The following NAALADL2 variants were observed in gnomAD, a reference collection of about 807,000 sequenced individuals.
NAALADL2 encodes the protein N-acetylated alpha-linked acidic dipeptidase like 2.
In NAALADL2, 76 loss-of-function variants were observed where a neutral mutation model predicts 87.2. The ratio of observed to expected loss-of-function variants is 0.87; its 90% CI spans 0.72 to 1.05. The LOEUF (loss-of-function observed/expected upper bound fraction) is 1.05, where lower values mean the gene tolerates loss of function less well. Among genes scored for constraint, NAALADL2 ranks in the 50% least tolerant of loss-of-function variants. NAALADL2 has a pLI of 0.00. For synonymous variants in NAALADL2, 354 were observed against 331.0 expected, an observed-to-expected ratio of 1.07 and a Z score of -0.75; for missense variants, 1,089 against 945.8, an observed-to-expected ratio of 1.15 and a Z score of -1.99.
chr3:174,612,932 T>C lies in NAALADL2; in HGVS notation c.-115+62295T>C, dbSNP rs113015707. 8.5e-3 allele frequency among the ~76,000 whole-genome samples: 1,289 copies of C among 152,280 alleles called. 13 individuals are homozygous for C. The highest frequency in any genetic ancestry group is 0.03 in the African/African-American group (1,244 of 41,556). ...GTCTGAGCTTGTTTGTTCCCATCCT[T>C]CTTGGGAGAGCTTTCCATACAGTTG... On this transcript the variant is annotated intron_variant, in intron 2 of 3. Transcript: ENST00000434257.
chr3:175,761,721 T>G, intron 13 of NAALADL2, among the ~76,000 whole-genome samples: 1 of 152,204 alleles, frequency 6.6e-6, no homozygotes, highest in East Asian at 1.9e-4. Context: ...ATTTCATTGT[T>G]GTTTGAATCC....
At chr3:175,326,093 A>G (rs1355932830) in intron 5 of NAALADL2, among the ~76,000 whole-genome samples, 1 of 152,220 alleles carries the variant, frequency 6.6e-6, no homozygotes, top group African/African-American at 2.4e-5. Context: ...CACCTTGAAC[A>G]CTTTGCTGCT....
chr3:174,676,412 T>C (rs1269278137), intron 2 of NAALADL2, among the ~76,000 whole-genome samples: 24 of 106,030 alleles, frequency 2.3e-4, no homozygotes, highest in Non-Finnish European at 2.7e-5. Flanking sequence ...ATGTGAGCTT[T>C]ATATTATTAG....
At chr3:175,256,335 T>C (rs1749934405) in intron 3 of NAALADL2, 76 bp from the exon 4 acceptor site, 1 of 1,334,654 alleles carries the variant, frequency 7.5e-7, no homozygotes, top group Admixed American at 2.6e-5. Context: ...TGAATAATTT[T>C]GTTATACTAA....
intron 11 of NAALADL2, among the ~76,000 whole-genome samples, chr3:175,656,095 A>G (rs1247175691): frequency 6.6e-6 from 1 of 152,212 alleles, no homozygotes; most frequent in Non-Finnish European, 1.5e-5. Context: ...TGCAACTTCC[A>G]AAATGCCAAA....
chr3:174,942,712 T>C (rs545383685), intron 1 of NAALADL2, among the ~76,000 whole-genome samples: 1 of 152,332 alleles, frequency 6.6e-6, no homozygotes, highest in South Asian at 2.1e-4. Context: ...CCCATATTTC[T>C]TGGAGGTTTT....
intron 11 of NAALADL2, among the ~76,000 whole-genome samples, chr3:175,706,243 C>T (rs6443315): frequency 0.44 from 66,260 of 151,898 alleles, 17,653 homozygotes; most frequent in African/African-American, 0.76. Flanking sequence ...CATACATTAG[C>T]CCCTCCTTAT....
chr3:175,788,781 CAAAT>C (rs1752423187), intron 13 of NAALADL2, among the ~76,000 whole-genome samples: 1 of 148,038 alleles, frequency 6.8e-6, no homozygotes, highest in African/African-American at 2.7e-5. Flanking sequence ...AAATCTTACT[CAAAT>C]AATTATATGA....
chr3:175,679,961 C>T (rs1015884214), intron 11 of NAALADL2, among the ~76,000 whole-genome samples: 2 of 152,126 alleles, frequency 1.3e-5, no homozygotes, highest in South Asian at 2.1e-4. Flanking sequence ...AAAAAGGATG[C>T]CGTCACATAT....
intron 1 of NAALADL2, among the ~76,000 whole-genome samples, chr3:175,077,723 T>A (rs1278172359): frequency 6.6e-6 from 1 of 152,106 alleles, no homozygotes; most frequent in South Asian, 2.1e-4. Context: ...TTTAAAAAAA[T>A]TGCTTGTGGT....
intron 2 of NAALADL2, among the ~76,000 whole-genome samples, chr3:174,658,289 C>A (rs919399763): frequency 6.6e-6 from 1 of 152,026 alleles, no homozygotes; most frequent in Non-Finnish European, 1.5e-5. Context: ...TTGGTGATGC[C>A]AGTGTTACGC....
rs550530582 is a variant in NAALADL2, at chr3:174,538,344, A to C, written c.-183-12225A>C. ...AAGTGGAGGTTGGACCTGCCTCATTATATTATCCAGGTTTTGGAATTTAGG... is the reference window on the plus strand; with the variant it reads ...AAGTGGAGGTTGGACCTGCCTCATTCTATTATCCAGGTTTTGGAATTTAGG... On this transcript the variant is annotated intron_variant, in intron 1 of 3. Coordinates refer to the NAALADL2 transcript ENST00000434257. 9.1e-4 allele frequency among the ~76,000 whole-genome samples: 139 copies of C among 152,166 alleles called. 4 individuals are homozygous for C. The South Asian group carries it at 0.027, about 29-fold the overall frequency.
intron 2 of NAALADL2, among the ~76,000 whole-genome samples, chr3:174,616,057 G>C (rs1342893057): frequency 6.6e-6 from 1 of 151,648 alleles, no homozygotes; most frequent in Non-Finnish European, 1.5e-5. Flanking sequence ...GAATATAAGG[G>C]GACTAGTTTT....
chr3:175,528,983 G>A (rs144907698), intron 9 of NAALADL2, among the ~76,000 whole-genome samples: 10,574 of 152,220 alleles, frequency 0.069, 451 homozygotes, highest in African/African-American at 0.12. Context: ...CCTTCAGCAA[G>A]CACCTCAGCA....
intron 2 of NAALADL2, among the ~76,000 whole-genome samples, chr3:174,712,287 G>C (rs2108918989): frequency 6.6e-6 from 1 of 151,648 alleles, no homozygotes; most frequent in Middle Eastern, 3.5e-3. Flanking sequence ...GGGTACGTCT[G>C]GCTCCTCTTC....
At chr3:174,759,331 C>T (rs996657946) in intron 3 of NAALADL2, among the ~76,000 whole-genome samples, 3 of 152,038 alleles carry the variant, frequency 2.0e-5, no homozygotes, top group Admixed American at 6.6e-5. Flanking sequence ...CATTAAAGAC[C>T]CAGATACAAA....
intron 3 of NAALADL2, among the ~76,000 whole-genome samples, chr3:174,784,199 TCA>T (rs1212607824): frequency 6.6e-6 from 1 of 152,202 alleles, no homozygotes; most frequent in Non-Finnish European, 1.5e-5. Context: ...TAAAATAATA[TCA>T]CACACTTCTA....
chr3:175,184,250 C>G (rs112583439), intron 2 of NAALADL2, among the ~76,000 whole-genome samples: 1 of 151,986 alleles, frequency 6.6e-6, no homozygotes, highest in African/African-American at 2.4e-5. Flanking sequence ...TTGATTAATT[C>G]TCCTTTAGAG....
chr3:174,447,750 G>T (rs2108265830), intron 1 of NAALADL2, among the ~76,000 whole-genome samples: 1 of 151,370 alleles, frequency 6.6e-6, no homozygotes, highest in African/African-American at 2.4e-5. Flanking sequence ...GGAAGGCGGA[G>T]CTTTCAGTGA....
Sources: gnomAD v4.1 joint callset for allele counts (sites outside exome capture counted in the v4.1 genomes callset) on GRCh38, gnomAD v4.1.1 for gene constraint, MANE v1.5 for transcripts, NCBI Gene and HGNC (gene_info 2026-07-23, HGNC 2026-07-21) for gene names.